Variants in RBFOX1 observed in about 807,000 individuals in gnomAD.
The protein encoded by RBFOX1 is RNA binding protein fox-1 homolog 1.
RBFOX1 carries 8 observed loss-of-function variants against 57.7 expected under a neutral mutation model. The observed-to-expected ratio is 0.14, with a 90% confidence interval of 0.08 to 0.25. RBFOX1 has a LOEUF of 0.25. Ranked by LOEUF, RBFOX1 falls within the 10% of genes least tolerant of loss-of-function variation. The pLI, the probability that RBFOX1 is intolerant of heterozygous loss-of-function variation, is 1.00. For missense variants in RBFOX1, 611 were observed against 548.5 expected (o/e 1.11, Z -1.14); for synonymous variants, 326 against 222.4 (o/e 1.47, Z -4.15).
intron 4 of RBFOX1, among the ~76,000 whole-genome samples, chr16:5,912,344 C>T (rs1010005681): frequency 2.6e-5 from 4 of 152,044 alleles, no homozygotes; most frequent in Non-Finnish European, 5.9e-5. Context: ...CGTTTGTGTC[C>T]CATTGATGCC....
In RBFOX1 at chr16:6,378,915, G is replaced by C. The variant is rs2091497617; in HGVS notation, c.-64+61858G>C. On this transcript the variant is annotated intron_variant, in intron 2 of 15. Coordinates refer to ENST00000550418, the MANE Select transcript of RBFOX1 (RefSeq NM_018723.4). The stretch of plus-strand genomic sequence containing the variant: ...AAATGTTGGAAAGGGGACAAGGGTG[G>C]AATTGGTAGCACTGATCTTGTTGAG... 1.3e-5 allele frequency among the ~76,000 whole-genome samples: 2 copies of C among 152,180 alleles called. 1 individual carries two copies. Among genetic ancestry groups the C allele is most frequent in the Admixed American group, 1.3e-4 (2 of 15,280 alleles).
intron 1 of RBFOX1, among the ~76,000 whole-genome samples, chr16:5,408,304 G>A (rs1164521889): frequency 1.3e-5 from 2 of 152,202 alleles, no homozygotes; most frequent in Non-Finnish European, 2.9e-5. Context: ...CTTGAACTCA[G>A]CTCCGCCACT....
At chr16:7,589,385 A>G (rs1005445067) in intron 7 of RBFOX1, among the ~76,000 whole-genome samples, 2 of 152,210 alleles carry the variant, frequency 1.3e-5, no homozygotes, top group African/African-American at 4.8e-5. Context: ...CAATGGTGAT[A>G]CTGTTTTTAA....
At position 6,953,260 on chromosome 16, in the gene RBFOX1, A is replaced by G. The variant is rs117936570; in HGVS notation, c.-15-98797A>G. Reference sequence around the variant, plus strand: ...TACTCTTTAATCAAATAAAACCTTAAGTTCAAACATATACACCGAAATAAG... The same window carrying G: ...TACTCTTTAATCAAATAAAACCTTAGGTTCAAACATATACACCGAAATAAG... On this transcript the variant is annotated intron_variant, in intron 3 of 15. Coordinates refer to ENST00000550418, the MANE Select transcript of RBFOX1 (RefSeq NM_018723.4). Among the ~76,000 whole-genome samples, 13 of 152,320 alleles carry G rather than the reference A, an allele frequency of 8.5e-5. No individual in the cohort carries two copies. In the South Asian group the frequency reaches 1.7e-3, roughly 19 times the overall value.
intron 2 of RBFOX1, among the ~76,000 whole-genome samples, chr16:6,561,257 C>T (rs1448092202): frequency 1.3e-5 from 2 of 152,142 alleles, no homozygotes; most frequent in East Asian, 3.9e-4. Flanking sequence ...CAGGGGCTGT[C>T]CACAGCAGAC....
intron 3 of RBFOX1, among the ~76,000 whole-genome samples, chr16:6,661,339 G>T (rs2154098611): frequency 6.6e-6 from 1 of 152,318 alleles, no homozygotes; most frequent in African/African-American, 2.4e-5. Flanking sequence ...GAACAGAATG[G>T]CGAGGACAAG....
chr16:6,426,443 G>A (rs575323438), intron 2 of RBFOX1, among the ~76,000 whole-genome samples: 3 of 152,024 alleles, frequency 2.0e-5, no homozygotes, highest in South Asian at 4.2e-4. Flanking sequence ...TCTAGGAGTC[G>A]GAGAAAGGCA....
intron 1 of RBFOX1, among the ~76,000 whole-genome samples, chr16:5,445,992 C>T (rs973156294): frequency 6.6e-6 from 1 of 152,200 alleles, no homozygotes; most frequent in African/African-American, 2.4e-5. Flanking sequence ...AAGTAAAAGA[C>T]CCTTTAACAA....
chr16:6,717,656 A>T (rs1224505879), intron 3 of RBFOX1, among the ~76,000 whole-genome samples: 1 of 151,824 alleles, frequency 6.6e-6, no homozygotes, highest in Non-Finnish European at 1.5e-5. Flanking sequence ...CTGTCAGCTC[A>T]GCAAGTGTCT....
intron 2 of RBFOX1, among the ~76,000 whole-genome samples, chr16:6,529,928 A>G (rs531209482): frequency 6.6e-6 from 1 of 152,244 alleles, no homozygotes; most frequent in Admixed American, 6.5e-5. Context: ...AGAATTGCAT[A>G]TTCTTCCCCT....
At chr16:6,652,938 CTGAG>C (rs748704191) in intron 2 of RBFOX1, among the ~76,000 whole-genome samples, 9 of 152,152 alleles carry the variant, frequency 5.9e-5, no homozygotes, top group Non-Finnish European at 1.2e-4. Context: ...TAATAAAACT[CTGAG>C]TGGTTTCTCA....
intron 1 of RBFOX1, among the ~76,000 whole-genome samples, chr16:5,292,281 C>T (rs150162206): frequency 0.011 from 1,644 of 152,332 alleles, 23 homozygotes; most frequent in African/African-American, 0.038. Flanking sequence ...ATCCCAGCAA[C>T]AAGCACATTT....
At chr16:7,317,553 C>G (rs1233540096) in intron 4 of RBFOX1, among the ~76,000 whole-genome samples, 1 of 152,180 alleles carries the variant, frequency 6.6e-6, no homozygotes, top group East Asian at 1.9e-4. Context: ...TCACCAAAGA[C>G]AAAGGCACTC....
intron 14 of RBFOX1, among the ~76,000 whole-genome samples, chr16:7,701,266 G>C (rs1312772927): frequency 6.8e-6 from 1 of 147,466 alleles, no homozygotes; most frequent in East Asian, 1.9e-4. Context: ...CATTTTGTAG[G>C]TCAGGGGTCC....
At chr16:5,994,980 C>T (rs1156714241) in intron 4 of RBFOX1, among the ~76,000 whole-genome samples, 1 of 152,194 alleles carries the variant, frequency 6.6e-6, no homozygotes, top group Non-Finnish European at 1.5e-5. Flanking sequence ...CTTCAGGCTC[C>T]TCTCACTAGC....
chr16:7,676,914 G>A, intron 14 of RBFOX1, 76 bp downstream of exon 14: 1 of 1,438,264 alleles, frequency 7.0e-7, no homozygotes, highest in Non-Finnish European at 9.8e-7. Flanking sequence ...TTCTTGTATG[G>A]TCTTGGTGAA....
At chr16:6,188,907 G>A (rs957496287) in intron 1 of RBFOX1, among the ~76,000 whole-genome samples, 1 of 151,884 alleles carries the variant, frequency 6.6e-6, no homozygotes, top group Non-Finnish European at 1.5e-5. Flanking sequence ...CTTTTATTAA[G>A]AGATCTGTAA....
chr16:5,496,172 C>A (rs2042995403), intron 2 of RBFOX1, among the ~76,000 whole-genome samples: 2 of 152,082 alleles, frequency 1.3e-5, no homozygotes, highest in South Asian at 4.1e-4. Flanking sequence ...AATGGAAGCC[C>A]CAAACCCCGC....
At chr16:6,067,904 G>T (rs571994577) in intron 1 of RBFOX1, among the ~76,000 whole-genome samples, 1 of 152,126 alleles carries the variant, frequency 6.6e-6, no homozygotes, top group African/African-American at 2.4e-5. Flanking sequence ...AGCAATTGGG[G>T]TAAATTTATG....
Sources: allele counts gnomAD v4.1 joint callset (sites outside exome capture counted in the v4.1 genomes callset), GRCh38; gene constraint gnomAD v4.1.1; transcripts MANE v1.5; gene names NCBI Gene and HGNC (gene_info 2026-07-23, HGNC 2026-07-21).